SPICE1: variants seen among roughly 807,000 people sequenced by gnomAD.
SPICE1 encodes the protein spindle and centriole-associated protein 1.
A neutral mutation model predicts 102.7 loss-of-function variants in SPICE1; 75 were observed. The ratio of observed to expected loss-of-function variants is 0.73; its 90% CI spans 0.61 to 0.88. SPICE1 has a LOEUF of 0.88. Ranked by LOEUF, SPICE1 falls within the 40% of genes least tolerant of loss-of-function variation. SPICE1 has a pLI of 0.00. For missense variants in SPICE1, 979 were observed against 1,020.1 expected (o/e 0.96, Z 0.55); for synonymous variants, 308 against 350.3 (o/e 0.88, Z 1.35).
intron 6 of SPICE1, among the ~76,000 whole-genome samples, chr3:113,491,903 C>A (rs1026263175): frequency 1.3e-5 from 2 of 152,106 alleles, no homozygotes; most frequent in Non-Finnish European, 2.9e-5. Flanking sequence ...CTCAAGTGTG[C>A]GAATGGACTC....
At position 113,443,202 on chromosome 3, in the gene SPICE1, A is replaced by T. The variant is rs1453439527; in HGVS notation, c.*2105T>A. The T allele has an allele frequency of 6.6e-6, 1 of 152,198 alleles. No individual in the cohort carries two copies. Among genetic ancestry groups the T allele is most frequent in the East Asian group, 1.9e-4 (1 of 5,202 alleles). The allele number at this position is 152,198 out of a possible 1,614,324, so 9.4% of individuals were successfully genotyped here. On this transcript the variant is annotated 3_prime_UTR_variant, in exon 18 of 18. Transcript: ENST00000295872. ...TACACTTGCCTCACTTAATCCTCAC[A>T]AGCCTCTAGGGAAGACATTATGTCT...
intron 1 of SPICE1, among the ~76,000 whole-genome samples, chr3:113,513,444 C>A (rs1937258028): frequency 6.6e-6 from 1 of 151,906 alleles, no homozygotes; most frequent in African/African-American, 2.4e-5. Flanking sequence ...AACAAAAACA[C>A]CAAATGCTCA....
chr3:113,509,590 G>A (rs1395709972), intron 1 of SPICE1, among the ~76,000 whole-genome samples: 1 of 152,152 alleles, frequency 6.6e-6, no homozygotes, highest in African/African-American at 2.4e-5. Flanking sequence ...AGACAATATA[G>A]TATAAAGGCT....
chr3:113,476,323 T>C (rs941483939), intron 7 of SPICE1, among the ~76,000 whole-genome samples: 1 of 151,130 alleles, frequency 6.6e-6, no homozygotes, highest in Non-Finnish European at 1.5e-5. Context: ...TGCTCATGGG[T>C]AGGAAGAATC....
rs1935620900 is a variant in SPICE1 at position 113,450,451 on chromosome 3, T to A, written c.2208A>T (p.Arg736=). 6.2e-7 allele frequency: 1 copy of A among 1,613,810 alleles called. No individual in the cohort carries two copies. Among genetic ancestry groups the A allele is most frequent in the African/African-American group, 1.3e-5 (1 of 74,848 alleles). ...GTTTTCCACGAGCCTCCATACTTTG[T>A]CGATTCAATTCTGCAATCCGTTCCT... The part of the protein sequence containing the change: ...SMEERIAELN[R]QSMEARGKLL... The change falls in exon 15 of 18, where the codon CGA becomes CGT. Residue 736 remains arginine (R), a synonymous_variant. Transcript: ENST00000295872.
Position 113,450,525 on chromosome 3 carries a change from G to GAAAA in SPICE1, c.2143-13_2143-10dup, listed in dbSNP as rs397874895. 8.2e-7 allele frequency: 1 copy of GAAAA among 1,225,004 alleles called. No homozygotes were observed. The highest frequency in any genetic ancestry group is 1.1e-6 in the Non-Finnish European group (1 of 913,506). The allele number at this position is 1,225,004 out of a possible 1,614,324, so 75.9% of individuals were successfully genotyped here. A position where few individuals can be genotyped will look rare whatever the true frequency, so the allele number is the denominator to read the frequency against. On this transcript the variant is annotated splice_polypyrimidine_tract_variant and intron_variant, in intron 14 of 17. Transcript: ENST00000295872. ...TGTGCTACTGGAAAAGTCTTTGGGA[G>GAAAA]AAAAAAAAAAAAAGTACAAATTGAA...
chr3:113,510,489 A>G (rs1413854463), intron 1 of SPICE1, among the ~76,000 whole-genome samples: 1 of 152,168 alleles, frequency 6.6e-6, no homozygotes, highest in African/African-American at 2.4e-5. Context: ...CCATCTGATC[A>G]TCAACAAACC....
chr3:113,485,959 A>C (rs1936637735), intron 7 of SPICE1, among the ~76,000 whole-genome samples: 1 of 152,002 alleles, frequency 6.6e-6, no homozygotes, highest in Non-Finnish European at 1.5e-5. Context: ...ATAAAAATAC[A>C]AAATTAGCCA....
intron 1 of SPICE1, chr3:113,514,499 A>C (rs1367301889): frequency 5.3e-6 from 2 of 379,810 alleles, no homozygotes; most frequent in South Asian, 1.9e-5. Context: ...GGCCCGGCTG[A>C]CTTTTCTTTC....
In SPICE1 at chr3:113,493,186, C is replaced by A; in HGVS notation, c.492+20G>T. 6.6e-7 allele frequency: 1 copy of A among 1,522,788 alleles called. No individual in the cohort carries two copies. The highest frequency in any genetic ancestry group is 8.9e-7 in the Non-Finnish European group (1 of 1,120,984). 94.3% of individuals were successfully genotyped at this position (1,522,788 alleles called of 1,614,324 possible). A position where few individuals can be genotyped will look rare whatever the true frequency, so the allele number is the denominator to read the frequency against. The stretch of plus-strand genomic sequence containing the variant: ...CTTCCTTTCAGCATGAGTGTTATAG[C>A]TGTGAGTGGAACACATTACCTGAGG... On this transcript the variant is annotated intron_variant, in intron 6 of 17. Coordinates refer to ENST00000295872, the MANE Select transcript of SPICE1 (RefSeq NM_144718.4).
chr3:113,464,139 G>C (rs1258580773), intron 11 of SPICE1, among the ~76,000 whole-genome samples: 1 of 151,860 alleles, frequency 6.6e-6, no homozygotes, highest in Non-Finnish European at 1.5e-5. Context: ...AGATAACAGT[G>C]CTGGCATACA....
chr3:113,466,315 T>C (rs974086495), intron 10 of SPICE1, among the ~76,000 whole-genome samples: 4 of 152,172 alleles, frequency 2.6e-5, no homozygotes, highest in Non-Finnish European at 4.4e-5. Context: ...AGCTTAAAAG[T>C]ACACGCTTCT....
At chr3:113,457,436 G>C in intron 12 of SPICE1, 79 bp from the exon 13 acceptor site, 1 of 1,433,568 alleles carries the variant, frequency 7.0e-7, no homozygotes, top group East Asian at 2.3e-5. Context: ...ATTCTTAAAT[G>C]CATCTCAGTA....
At chr3:113,460,961 T>A (rs1338196125) in intron 11 of SPICE1, among the ~76,000 whole-genome samples, 197 bp from the exon 12 acceptor site, 1 of 152,172 alleles carries the variant, frequency 6.6e-6, no homozygotes, top group East Asian at 1.9e-4. Flanking sequence ...TTTATAATTA[T>A]AAATATTCTA....
At chr3:113,508,600 G>A (rs189146559) in intron 1 of SPICE1, among the ~76,000 whole-genome samples, 22 of 152,072 alleles carry the variant, frequency 1.4e-4, no homozygotes, top group African/African-American at 4.3e-4. Flanking sequence ...TCAAAAAGAC[G>A]GACAACAACA....
chr3:113,448,215 G>C, intron 15 of SPICE1, 75 bp from the exon 16 acceptor site: 1 of 1,279,866 alleles, frequency 7.8e-7, no homozygotes, highest in Non-Finnish European at 1.1e-6. Flanking sequence ...CTATCTTACT[G>C]CAAACTGCAC....
intron 10 of SPICE1, among the ~76,000 whole-genome samples, 171 bp downstream of exon 10, chr3:113,467,968 G>A (rs960422688): frequency 6.6e-6 from 1 of 152,136 alleles, no homozygotes; most frequent in African/African-American, 2.4e-5. Flanking sequence ...ACTAACGGCA[G>A]AAAAGACTTA....
At chr3:113,467,894 CCTA>C (rs1559962626) in intron 10 of SPICE1, among the ~76,000 whole-genome samples, 2 of 137,858 alleles carry the variant, frequency 1.5e-5, no homozygotes, top group African/African-American at 5.2e-5. Context: ...GCAGATTTAC[CCTA>C]CTAATTATAA....
chr3:113,480,912 T>TAAAGAAAGAAAGAAAGAAAG lies in SPICE1; in HGVS notation c.611+8032_611+8033insCTTTCTTTCTTTCTTTCTTT, dbSNP rs1553768641. Among the ~76,000 whole-genome samples, 394 of 106,498 alleles carry TAAAGAAAGAAAGAAAGAAAG rather than the reference T, an allele frequency of 3.7e-3. 13 individuals are homozygous for TAAAGAAAGAAAGAAAGAAAG. The highest frequency in any genetic ancestry group is 0.014 in the African/African-American group (331 of 23,218). The allele number at this position is 106,498 out of a possible 152,430, so 69.9% of individuals were successfully genotyped here. A position where few individuals can be genotyped will look rare whatever the true frequency, so the allele number is the denominator to read the frequency against. On this transcript the variant is annotated intron_variant, in intron 7 of 17. Coordinates refer to ENST00000295872, the MANE Select transcript of SPICE1 (RefSeq NM_144718.4). ...AAAAATAACAATGATTTTAAAAATT[T>TAAAGAAAGAAAGAAAGAAAG]AAAGAAAGAAAGAAAGAAAAAAGAC... is the stretch of plus-strand genomic sequence containing the variant.
Sources: gnomAD v4.1 joint callset for allele counts (sites outside exome capture counted in the v4.1 genomes callset) on GRCh38, gnomAD v4.1.1 for gene constraint, MANE v1.5 for transcripts, NCBI Gene and HGNC (gene_info 2026-07-23, HGNC 2026-07-21) for gene names.